TTC22: variants seen among roughly 807,000 people sequenced by gnomAD.
TTC22 encodes the protein tetratricopeptide repeat domain 22, also known as tetratricopeptide repeat protein 22.
In TTC22, 42 loss-of-function variants were observed where a neutral mutation model predicts 48.2. The observed-to-expected ratio is 0.87, with a 90% confidence interval of 0.68 to 1.13. The LOEUF (loss-of-function observed/expected upper bound fraction) is 1.13. TTC22 is among the 50% of genes most tolerant of loss of function. The pLI, the probability that TTC22 is intolerant of heterozygous loss-of-function variation, is 0.00. For missense variants in TTC22, 784 were observed against 807.0 expected (o/e 0.97, Z 0.34); for synonymous variants, 345 against 365.5 (o/e 0.94, Z 0.64).
At chr1:54,787,622 G>A (rs1025721688) in intron 3 of TTC22, 89 bp downstream of exon 3, 1 of 917,858 alleles carries the variant, frequency 1.1e-6, no homozygotes, top group Admixed American at 2.0e-5. Flanking sequence ...GAGCCAAGAA[G>A]GGGAGGTAAT....
chr1:54,782,393 C>T lies in TTC22; in HGVS notation c.1105G>A (p.Ala369Thr). Residue 369 changes from alanine (A) to threonine (T), a missense_variant, in exon 6 of 7, where the codon GCC becomes ACC. Transcript: ENST00000371276. Reference sequence around the variant, plus strand: ...ACCACTTCCTCAAGGTCAGCCTTGGCACAGGCCAGGTGGTTCCTGTCAGGC... The same window carrying T: ...ACCACTTCCTCAAGGTCAGCCTTGGTACAGGCCAGGTGGTTCCTGTCAGGC... ...GMPDRNHLAC[A>T]KADLEEVVRV... 6.4e-7 allele frequency: 1 copy of T among 1,551,458 alleles called. No homozygotes were observed. Among genetic ancestry groups the T allele is most frequent in the Non-Finnish European group, 8.7e-7 (1 of 1,146,900 alleles).
At position 54,781,171 on chromosome 1, in the gene TTC22, CGGACCTGGTCCCATCA is replaced by C; in HGVS notation, c.*56_*71del. ...GTCAGCCTAAGGCAGGGAGTCCATC[CGGACCTGGTCCCATCA>C]GCTGGGCGGGGCCTGGGCGGGGTCC... On this transcript the variant is annotated 3_prime_UTR_variant, in exon 7 of 7. Coordinates refer to ENST00000371276, the MANE Select transcript of TTC22 (RefSeq NM_001114108.2). 1 of 1,155,894 alleles carries C rather than the reference CGGACCTGGTCCCATCA, an allele frequency of 8.7e-7. No individual in the cohort carries two copies. Among genetic ancestry groups the C allele is most frequent in the South Asian group, 1.9e-5 (1 of 52,426 alleles). 71.6% of individuals were successfully genotyped at this position (1,155,894 alleles called of 1,614,324 possible). A position where few individuals can be genotyped will look rare whatever the true frequency, so the allele number is the denominator to read the frequency against.
chr1:54,799,083 C>T (rs1301475037), intron 1 of TTC22, among the ~76,000 whole-genome samples: 1 of 152,190 alleles, frequency 6.6e-6, no homozygotes, highest in African/African-American at 2.4e-5. Flanking sequence ...TCTCCAAATC[C>T]CAAACTCTCT....
In TTC22 at chr1:54,782,503, A is replaced by G. The variant is rs1257861912; in HGVS notation, c.1021-26T>C. On this transcript the variant is annotated intron_variant, in intron 5 of 6. Coordinates refer to ENST00000371276, the MANE Select transcript of TTC22 (RefSeq NM_001114108.2). ...CTGCCAACAGAGAGCCAGCTTAGGA[A>G]AGATGATCCAGGCAAGGGCCTCTGC... 4 of 1,523,908 alleles carry G rather than the reference A, an allele frequency of 2.6e-6. No individual in the cohort carries two copies. In the South Asian group the frequency reaches 4.9e-5, roughly 19 times the overall value. The allele number at this position is 1,523,908 out of a possible 1,614,324, so 94.4% of individuals were successfully genotyped here.
Position 54,801,180 on chromosome 1 carries a change from C to A in TTC22, c.-17G>T. The A allele has an allele frequency of 6.2e-7, 1 of 1,608,126 alleles. No individual in the cohort carries two copies. The highest frequency in any genetic ancestry group is 8.5e-7 in the Non-Finnish European group (1 of 1,176,626). On this transcript the variant is annotated 5_prime_UTR_variant, in exon 1 of 7. Transcript: ENST00000371276. ...CTCCGCCATGACTGCTCCCTCTGCT[C>A]CCCTGGCCTCACCCTTGTCCCTGAG...
At position 54,779,806 on chromosome 1, in the gene TTC22, G is replaced by A. The variant is rs1182556252; in HGVS notation, c.*1437C>T. 2 of 152,202 alleles carry A rather than the reference G, an allele frequency of 1.3e-5. No individual in the cohort carries two copies. Among genetic ancestry groups the A allele is most frequent in the Non-Finnish European group, 2.9e-5 (2 of 68,042 alleles). 9.4% of individuals were successfully genotyped at this position (152,202 alleles called of 1,614,324 possible). A position where few individuals can be genotyped will look rare whatever the true frequency, so the allele number is the denominator to read the frequency against. Reference sequence around the variant, plus strand: ...GGGAAAACAGTAAGTGTGGCTTTGGGCAAGCCACTTCCCTTCTATGGCTCT... The same window carrying A: ...GGGAAAACAGTAAGTGTGGCTTTGGACAAGCCACTTCCCTTCTATGGCTCT... On this transcript the variant is annotated 3_prime_UTR_variant, in exon 7 of 7. Coordinates refer to ENST00000371276, the MANE Select transcript of TTC22 (RefSeq NM_001114108.2).
At chr1:54,790,743 G>C (rs1040250697) in intron 1 of TTC22, among the ~76,000 whole-genome samples, 4 of 152,148 alleles carry the variant, frequency 2.6e-5, no homozygotes, top group African/African-American at 7.2e-5. Flanking sequence ...GGGGCACATG[G>C]GGTGCCTCAG....
At chr1:54,784,514 T>G in intron 5 of TTC22, 1 of 1,000,032 alleles carries the variant, frequency 1.0e-6, no homozygotes, top group Non-Finnish European at 1.2e-6. Flanking sequence ...TCTCAGAGGG[T>G]TCTTGTGAAC....
chr1:54,786,498 A>C, intron 4 of TTC22: 2 of 263,044 alleles, frequency 7.6e-6, no homozygotes, highest in Non-Finnish European at 1.4e-5. Flanking sequence ...CCATCCCCCA[A>C]CCTTACAAAG....
In TTC22 at chr1:54,781,368, A is replaced by G. The variant is rs2101435122; in HGVS notation, c.1585T>C (p.Leu529=). 3 of 1,392,400 alleles carry G rather than the reference A, an allele frequency of 2.2e-6. No individual in the cohort carries two copies. Among genetic ancestry groups the G allele is most frequent in the Non-Finnish European group, 2.8e-6 (3 of 1,085,018 alleles). 86.3% of individuals were successfully genotyped at this position (1,392,400 alleles called of 1,614,324 possible). ...RVWRGHTDEV[L]GLARALVAQG... ...GCCACCAGGGCCCGGGCCAGCCCCA[A>G]CACCTCGTCCGTGTGCCCGCGCCAC... is the stretch of plus-strand genomic sequence containing the variant. The change falls in exon 7 of 7, where the codon TTG becomes CTG. Residue 529 remains leucine (L), a synonymous_variant. Coordinates refer to ENST00000371276, the MANE Select transcript of TTC22 (RefSeq NM_001114108.2).
chr1:54,786,220 C>T, intron 4 of TTC22, 76 bp from the exon 5 acceptor site: 1 of 1,369,612 alleles, frequency 7.3e-7, no homozygotes, highest in Non-Finnish European at 1.0e-6. Context: ...TGCTGAACCA[C>T]AGGAACCCCA....
chr1:54,792,805 T>C (rs602152), intron 1 of TTC22: 152,251 of 152,328 alleles, frequency 1, 76,087 homozygotes, highest in Non-Finnish European at 1. Flanking sequence ...AAGCTGTTAC[T>C]AGGGGCAACC....
In TTC22 at chr1:54,781,822, G is replaced by C; in HGVS notation, c.1174-43C>G. 3 of 1,376,454 alleles carry C rather than the reference G, an allele frequency of 2.2e-6. No homozygotes were observed. The South Asian group carries it at 4.8e-5, about 22-fold the overall frequency. The allele number at this position is 1,376,454 out of a possible 1,614,324, so 85.3% of individuals were successfully genotyped here. On this transcript the variant is annotated intron_variant, in intron 6 of 6. Coordinates refer to ENST00000371276, the MANE Select transcript of TTC22 (RefSeq NM_001114108.2). ...GGGTGAGCCCTTCACCGCAGGCGCG[G>C]CTCCACGCTCATTCCCGCCCCACGC...
chr1:54,788,699 C>A (rs1393804594), intron 1 of TTC22, among the ~76,000 whole-genome samples: 7 of 152,232 alleles, frequency 4.6e-5, no homozygotes, highest in African/African-American at 7.2e-5. Context: ...CTCCCTCAGG[C>A]TCCAGCCCCT....
intron 5 of TTC22, chr1:54,784,761 G>A (rs1352064381): frequency 7.7e-7 from 1 of 1,295,568 alleles, no homozygotes; most frequent in Non-Finnish European, 1.0e-6. Flanking sequence ...GAAGATGAGG[G>A]GATGGGAGGA....
At chr1:54,782,220 G>C in intron 6 of TTC22, 105 bp downstream of exon 6, 1 of 1,162,668 alleles carries the variant, frequency 8.6e-7, no homozygotes, top group Non-Finnish European at 1.2e-6. Context: ...TGTTATCAGG[G>C]AGTGAAACTT....
At chr1:54,797,813 T>A (rs1646404273) in intron 1 of TTC22, among the ~76,000 whole-genome samples, 1 of 152,236 alleles carries the variant, frequency 6.6e-6, no homozygotes, top group South Asian at 2.1e-4. Context: ...GGTTAGCAGA[T>A]GAGCAGCTGT....
chr1:54,790,115 C>T (rs557368944), intron 1 of TTC22, among the ~76,000 whole-genome samples: 28 of 152,308 alleles, frequency 1.8e-4, no homozygotes, highest in South Asian at 1.2e-3. Context: ...TAGCTTATGC[C>T]TGTACTCCCA....
At position 54,788,043 on chromosome 1, in the gene TTC22, T is replaced by C. The variant is rs772174065; in HGVS notation, c.622A>G (p.Arg208Gly). Reference protein sequence around the residue: ...WYFTMATLYIRLDGIFLELGS... With the variant: ...WYFTMATLYIGLDGIFLELGS... Reference sequence around the variant, plus strand: ...ACCCCCACCACCCTCTTGCCTGACCTGATGTAGAGTGTTGCCATGGTGAAA... The same window carrying C: ...ACCCCCACCACCCTCTTGCCTGACCCGATGTAGAGTGTTGCCATGGTGAAA... The change falls in exon 2 of 7, where the codon AGG becomes GGG. Residue 208 changes from arginine to glycine, a missense_variant and splice_region_variant. Arg to Gly is a moderately radical substitution (Grantham distance 125). Coordinates refer to ENST00000371276, the MANE Select transcript of TTC22 (RefSeq NM_001114108.2). 59 of 1,613,786 alleles carry C rather than the reference T, an allele frequency of 3.7e-5. No homozygotes were observed. The highest frequency in any genetic ancestry group is 1.6e-4 in the Middle Eastern group (1 of 6,084).
Sources: allele counts gnomAD v4.1 joint callset (sites outside exome capture counted in the v4.1 genomes callset), GRCh38; gene constraint gnomAD v4.1.1; transcripts MANE v1.5; gene names NCBI Gene and HGNC (gene_info 2026-07-23, HGNC 2026-07-21).